Variants in CABYR observed in about 807,000 individuals in gnomAD.
The protein encoded by CABYR is calcium-binding tyrosine phosphorylation-regulated protein.
In CABYR, 31 loss-of-function variants were observed where a neutral mutation model predicts 36.1. The observed-to-expected ratio is 0.86, with a 90% CI of 0.64 to 1.16. The LOEUF (loss-of-function observed/expected upper bound fraction) is 1.16. CABYR is among the 50% of genes most tolerant of loss of function. The probability of loss-of-function intolerance (pLI) is 0.00; values close to 1 mark genes in which losing one functional copy is unlikely to be tolerated. For missense variants in CABYR, 429 were observed against 455.8 expected (o/e 0.94, Z 0.53); for synonymous variants, 146 against 160.7 (o/e 0.91, Z 0.69).
chr18:24,160,849 AGCTTT>A (rs2085952047), intron 5 of CABYR: 1 of 152,376 alleles, frequency 6.6e-6, no homozygotes, highest in Non-Finnish European at 1.5e-5. Context: ...AGAAGAAGCC[AGCTTT>A]GCAGGGTGCG....
chr18:24,143,265 T>G lies in CABYR; in HGVS notation c.145+6T>G, dbSNP rs2085373409. 2 of 1,606,802 alleles carry G rather than the reference T, an allele frequency of 1.2e-6. No homozygotes were observed. The highest frequency in any genetic ancestry group is 1.7e-6 in the Non-Finnish European group (2 of 1,178,006). ...AGAACTTACTATGTATAGAGGTTTG[T>G]TATTCCTTTATATATTTGCTGCTTT... On this transcript the variant is annotated splice_donor_region_variant and intron_variant, in intron 2 of 5. Coordinates refer to ENST00000399496, the MANE Select transcript of CABYR (RefSeq NM_153769.3).
At chr18:24,156,719 A>G (rs1018398515) in intron 4 of CABYR, 2 of 1,614,102 alleles carry the variant, frequency 1.2e-6, no homozygotes, top group Non-Finnish European at 1.7e-6. Context: ...TGGATGCAGA[A>G]GGTGCTATCA....
At chr18:24,143,823 G>T (rs1355628985) in intron 3 of CABYR, among the ~76,000 whole-genome samples, 1 of 151,970 alleles carries the variant, frequency 6.6e-6, no homozygotes, top group African/African-American at 2.4e-5. Flanking sequence ...GGCATGAGGA[G>T]AATTGGATTT....
At chr18:24,139,950 G>C (rs2085262929) in intron 1 of CABYR, 1 of 143,534 alleles carries the variant, frequency 7.0e-6, no homozygotes, top group African/African-American at 2.6e-5. Flanking sequence ...TTTTTTTTGA[G>C]ACGGACTCTA....
chr18:24,143,022 C>CAAA (rs11320479), intron 1 of CABYR, 69 bp from the exon 2 acceptor site: 1,288 of 697,924 alleles, frequency 1.8e-3, no homozygotes, highest in Non-Finnish European at 2.1e-3. Flanking sequence ...GACAGAGTCT[C>CAAA]AAAAAAAAAA....
Position 24,159,989 on chromosome 18 carries a change from TC to T in CABYR, c.1062del (p.Phe355LeufsTer10). On this transcript the variant is annotated frameshift_variant, in exon 5 of 6. Coordinates refer to ENST00000399496, the MANE Select transcript of CABYR (RefSeq NM_153769.3). LOFTEE classifies it high-confidence loss of function. ...GTTCAGGATCTGGTGACAAATGTGCTCCCTTTGGAAGTTACGGTATTGCTGG... is the reference window on the plus strand; with the variant it reads ...GTTCAGGATCTGGTGACAAATGTGCTCCTTTGGAAGTTACGGTATTGCTGG... ...KSSGSGDKCA[P>X]FGSYGIAGEV... The T allele has an allele frequency of 1.2e-6, 2 of 1,614,180 alleles. No homozygotes were observed. Among genetic ancestry groups the T allele is most frequent in the Non-Finnish European group, 1.7e-6 (2 of 1,180,048 alleles).
intron 3 of CABYR, among the ~76,000 whole-genome samples, chr18:24,149,202 A>G (rs4800551): frequency 0.9 from 136,002 of 151,324 alleles, 62,857 homozygotes; most frequent in East Asian, 1. Context: ...AGCTAGACAC[A>G]GGGTGCTGAT....
At chr18:24,142,650 T>G (rs1031119316) in intron 1 of CABYR, among the ~76,000 whole-genome samples, 2 of 151,746 alleles carry the variant, frequency 1.3e-5, no homozygotes, top group African/African-American at 4.8e-5. Context: ...GTGTGTTTTT[T>G]TTTTTTAAAC....
Position 24,159,363 on chromosome 18 carries a change from A to C in CABYR, c.542-109A>C, listed in dbSNP as rs966700101. ...CTCTCTATAGCATGCTCTACGGTAC[A>C]TATCACTACAGCTGTTTTATATGTA... On this transcript the variant is annotated intron_variant, in intron 4 of 5. Transcript: ENST00000399496. The C allele has an allele frequency of 9.3e-6, 7 of 749,986 alleles. No homozygotes were observed. In the East Asian group the frequency reaches 1.2e-4, roughly 13 times the overall value. The allele number at this position is 749,986 out of a possible 1,614,324, so 46.5% of individuals were successfully genotyped here. A position where few individuals can be genotyped will look rare whatever the true frequency, so the allele number is the denominator to read the frequency against.
chr18:24,159,859 T>G lies in CABYR; in HGVS notation c.929T>G (p.Leu310Arg). Residue 310 changes from leucine (L) to arginine (R), a missense_variant, in exon 5 of 6, where the codon CTA becomes CGA. Leu to Arg is a moderately radical substitution (Grantham distance 102). Coordinates refer to ENST00000399496, the MANE Select transcript of CABYR (RefSeq NM_153769.3). ...GATGAGAAATACCAGAAACATACCC[T>G]AAGTCCCCAGAATGCTAATCCTCCA... ...PADEKYQKHTLSPQNANPPSG... is the reference protein window; with the variant it reads ...PADEKYQKHTRSPQNANPPSG... 6.2e-7 allele frequency: 1 copy of G among 1,614,140 alleles called. No homozygotes were observed. The highest frequency in any genetic ancestry group is 1.3e-5 in the African/African-American group (1 of 75,022).
At chr18:24,159,406 C>A in intron 4 of CABYR, 66 bp from the exon 5 acceptor site, 1 of 1,054,362 alleles carries the variant, frequency 9.5e-7, no homozygotes, top group Non-Finnish European at 1.4e-6. Flanking sequence ...CTTACAAAGA[C>A]ATTACTATGC....
rs568782823 is a variant in CABYR, at chr18:24,159,631, A to G, written c.701A>G (p.Gln234Arg). 8 of 1,614,052 alleles carry G rather than the reference A, an allele frequency of 5.0e-6. No homozygotes were observed. Among genetic ancestry groups the G allele is most frequent in the African/African-American group, 4.0e-5 (3 of 74,964 alleles). ...TATTTACCTAATCCTAAGGATCCAC[A>G]GTTTCAGCAGCATCCACCAAAAGTC... The part of the protein sequence containing the change: ...TLYLPNPKDP[Q>R]FQQHPPKVTF... Residue 234 changes from glutamine (Q) to arginine (R), a missense_variant, in exon 5 of 6, where the codon CAG becomes CGG. Transcript: ENST00000399496.
Position 24,159,570 on chromosome 18 carries a change from CCACCTG to C in CABYR, c.647_652del (p.Ala216_Pro217del), listed in dbSNP as rs2145888078. ...GAATCAACAAGGTCACCCATCACCG[CCACCTG>C]CACCTGGGCCTTTTCCCCAAGCAAC... On this transcript the variant is annotated inframe_deletion, in exon 5 of 6. Transcript: ENST00000399496. The C allele has an allele frequency of 4.3e-6, 7 of 1,614,102 alleles. No homozygotes were observed. Among genetic ancestry groups the C allele is most frequent in the Non-Finnish European group, 5.9e-6 (7 of 1,180,028 alleles).
At position 24,155,803 on chromosome 18, in the gene CABYR, A is replaced by T. The variant is rs1222563566; in HGVS notation, c.302A>T (p.Lys101Ile). Residue 101 changes from lysine (K) to isoleucine (I), a missense_variant, in exon 4 of 6, where the codon AAA (lysine) becomes ATA (isoleucine). Coordinates refer to ENST00000399496, the MANE Select transcript of CABYR (RefSeq NM_153769.3). ...TCTAAAGTACCTACCCAGATGGAAA[A>T]ATCTACAGACACAGACGAGGACAAT... is the stretch of plus-strand genomic sequence containing the variant. ...VESKVPTQMEKSTDTDEDNVT... is the reference protein window; with the variant it reads ...VESKVPTQMEISTDTDEDNVT... 1 of 1,614,166 alleles carries T rather than the reference A, an allele frequency of 6.2e-7. No individual in the cohort carries two copies. Among genetic ancestry groups the T allele is most frequent in the South Asian group, 1.1e-5 (1 of 91,080 alleles).
intron 1 of CABYR, among the ~76,000 whole-genome samples, chr18:24,142,640 G>A (rs1387330982): frequency 9.3e-6 from 1 of 106,994 alleles, no homozygotes; most frequent in Non-Finnish European, 2.4e-5. Flanking sequence ...TAGTAGGGTT[G>A]TGTGTTTTTT....
intron 4 of CABYR, chr18:24,157,132 A>C (rs1283458355): frequency 1.5e-6 from 1 of 659,090 alleles, no homozygotes; most frequent in East Asian, 2.7e-5. Flanking sequence ...TGCCAAAGCC[A>C]TTTAAAGACT....
intron 3 of CABYR, among the ~76,000 whole-genome samples, chr18:24,151,283 A>G (rs1283618199): frequency 1.3e-5 from 2 of 152,184 alleles, no homozygotes; most frequent in African/African-American, 2.4e-5. Context: ...ATTTTATTAT[A>G]CTTAAAAAGG....
At chr18:24,149,903 G>A (rs990954343) in intron 3 of CABYR, among the ~76,000 whole-genome samples, 5 of 152,212 alleles carry the variant, frequency 3.3e-5, no homozygotes, top group Non-Finnish European at 5.9e-5. Context: ...CCGCAAGCGC[G>A]GCGCGCAGCC....
At chr18:24,158,893 A>T (rs2085869684) in intron 4 of CABYR, among the ~76,000 whole-genome samples, 3 of 152,030 alleles carry the variant, frequency 2.0e-5, no homozygotes, top group Non-Finnish European at 4.4e-5. Context: ...GCCACCTAGG[A>T]TCTATGATTT....
Sources: allele counts gnomAD v4.1 joint callset (sites outside exome capture counted in the v4.1 genomes callset), GRCh38; gene constraint gnomAD v4.1.1; transcripts MANE v1.5; gene names NCBI Gene and HGNC (gene_info 2026-07-23, HGNC 2026-07-21).